GOLPH3L: variants seen among roughly 807,000 people sequenced by gnomAD.
GOLPH3L encodes Golgi phosphoprotein 3-like.
A neutral mutation model predicts 30.3 loss-of-function variants in GOLPH3L; 22 were observed. That is an observed-to-expected ratio of 0.73 (90% confidence interval 0.52 to 1.04). GOLPH3L has a LOEUF of 1.04. GOLPH3L is among the 50% of genes least tolerant of loss of function. The pLI, the probability that GOLPH3L is intolerant of heterozygous loss-of-function variation, is 0.00. For synonymous variants in GOLPH3L, 120 were observed against 128.2 expected (o/e 0.94, Z 0.43); for missense variants, 303 against 345.8 (o/e 0.88, Z 0.98).
intron 2 of GOLPH3L, 100 bp from the exon 3 acceptor site, chr1:150,663,863 C>T (rs996109945): frequency 2.5e-5 from 22 of 868,184 alleles, no homozygotes; most frequent in Admixed American, 2.5e-4. Context: ...ATTCGTTTCA[C>T]ATCATACTAC....
At chr1:150,664,263 G>C (rs746581770) in intron 2 of GOLPH3L, among the ~76,000 whole-genome samples, 23 of 152,008 alleles carry the variant, frequency 1.5e-4, no homozygotes, top group Non-Finnish European at 2.5e-4. Flanking sequence ...CTTGGCCTCC[G>C]AAAGTGTTGG....
chr1:150,671,246 A>G (rs1261733823), intron 2 of GOLPH3L, among the ~76,000 whole-genome samples: 1 of 149,672 alleles, frequency 6.7e-6, no homozygotes, highest in Non-Finnish European at 1.5e-5. Context: ...CATCTCAAGA[A>G]AAAAAAAAAA....
intron 2 of GOLPH3L, among the ~76,000 whole-genome samples, chr1:150,678,408 C>G (rs587608505): frequency 4.6e-5 from 7 of 150,654 alleles, no homozygotes; most frequent in African/African-American, 7.3e-5. Context: ...TAGATAACGT[C>G]TAAGTGACTC....
At chr1:150,681,356 A>G (rs1650942793) in intron 2 of GOLPH3L, among the ~76,000 whole-genome samples, 1 of 152,176 alleles carries the variant, frequency 6.6e-6, no homozygotes, top group Non-Finnish European at 1.5e-5. Context: ...TTAGAAAATA[A>G]AAGATGGTTA....
chr1:150,648,407 C>G lies in GOLPH3L; in HGVS notation c.772G>C (p.Val258Leu). 6.2e-7 allele frequency: 1 copy of G among 1,613,852 alleles called. No homozygotes were observed. Among genetic ancestry groups the G allele is most frequent in the Non-Finnish European group, 8.5e-7 (1 of 1,179,750 alleles). ...CCTTCCACTTCAGGGTCCAGTTCTA[C>G]TAAGTCCTTGGCTCGATTCATTGCC... The part of the protein sequence containing the change: ...DVAMNRAKDL[V>L]ELDPEVEGTK... The change falls in exon 5 of 5, where the codon GTA becomes CTA. Residue 258 changes from valine to leucine, a missense_variant. By Grantham distance (32) the Val-to-Leu change is conservative. Transcript: ENST00000271732.
chr1:150,666,284 G>A lies in GOLPH3L; in HGVS notation c.184-2521C>T, dbSNP rs184050931. ...GGACTTCAGTCTTTATTTTAACCCC[G>A]TCTTTTAACCTTTTATATTTTCCAT... On this transcript the variant is annotated intron_variant, in intron 2 of 4. Coordinates refer to ENST00000271732, the MANE Select transcript of GOLPH3L (RefSeq NM_018178.6). Among the ~76,000 whole-genome samples, 179 of 151,488 alleles carry A rather than the reference G, an allele frequency of 1.2e-3. 2 individuals carry two copies. The highest frequency in any genetic ancestry group is 4.3e-3 in the African/African-American group (176 of 41,312).
intron 4 of GOLPH3L, among the ~76,000 whole-genome samples, chr1:150,660,053 C>A (rs1048502110): frequency 7.9e-5 from 12 of 151,910 alleles, no homozygotes; most frequent in African/African-American, 2.7e-4. Flanking sequence ...TACAAAAAAA[C>A]CTCAACAACA....
intron 4 of GOLPH3L, among the ~76,000 whole-genome samples, chr1:150,652,454 A>G (rs1191564222): frequency 1.3e-5 from 2 of 151,516 alleles, no homozygotes; most frequent in Non-Finnish European, 2.9e-5. Flanking sequence ...AAAATTTCTA[A>G]AAAGGAGAAA....
At chr1:150,649,506 G>A (rs1650056976) in intron 4 of GOLPH3L, among the ~76,000 whole-genome samples, 1 of 152,182 alleles carries the variant, frequency 6.6e-6, no homozygotes, top group Admixed American at 6.5e-5. Context: ...TAGCTCTATG[G>A]CACTGGTATG....
chr1:150,648,429 T>C lies in GOLPH3L; in HGVS notation c.750A>G (p.Ala250=). ...SSLTDDKYDV[A]MNRAKDLVEL... ...CTACTAAGTCCTTGGCTCGATTCAT[T>C]GCCACATCATACTTGTCATCTGTCA... is the stretch of plus-strand genomic sequence containing the variant. The change falls in exon 5 of 5, where the codon GCA becomes GCG. Residue 250 remains alanine, a synonymous_variant. Transcript: ENST00000271732. The C allele has an allele frequency of 6.2e-7, 1 of 1,613,654 alleles. No individual in the cohort carries two copies. Among genetic ancestry groups the C allele is most frequent in the South Asian group, 1.1e-5 (1 of 91,064 alleles).
chr1:150,665,691 A>G (rs1052826931), intron 2 of GOLPH3L, among the ~76,000 whole-genome samples: 1 of 152,018 alleles, frequency 6.6e-6, no homozygotes, highest in African/African-American at 2.4e-5. Flanking sequence ...CATAAATTAG[A>G]TATCATCATC....
Position 150,667,591 on chromosome 1 carries a change from CTTTCTT to C in GOLPH3L, c.184-3834_184-3829del, listed in dbSNP as rs1162469785. 5.7e-5 allele frequency among the ~76,000 whole-genome samples: 8 copies of C among 141,084 alleles called. No homozygotes were observed. The East Asian group carries it at 6.3e-4, about 11-fold the overall frequency. The allele number at this position is 141,084 out of a possible 152,430, so 92.6% of individuals were successfully genotyped here. On this transcript the variant is annotated intron_variant, in intron 2 of 4. Coordinates refer to ENST00000271732, the MANE Select transcript of GOLPH3L (RefSeq NM_018178.6). Reference sequence around the variant, plus strand: ...ATTTACTAGTCTTTTCTTTTTTTTTCTTTCTTTTTTTTTTTTTTTTGAGACGGAGTC... The same window carrying C: ...ATTTACTAGTCTTTTCTTTTTTTTTCTTTTTTTTTTTTTTGAGACGGAGTC...
intron 4 of GOLPH3L, among the ~76,000 whole-genome samples, chr1:150,659,930 GA>G (rs1650331486): frequency 2.0e-5 from 3 of 152,012 alleles, no homozygotes; most frequent in African/African-American, 7.3e-5. Context: ...AGTTACTTGG[GA>G]GGCTGAGGTG....
At chr1:150,695,535 GAAC>G (rs1263266511) in intron 1 of GOLPH3L, among the ~76,000 whole-genome samples, 5 of 151,882 alleles carry the variant, frequency 3.3e-5, no homozygotes, top group Non-Finnish European at 7.4e-5. Flanking sequence ...AAGTAAGATG[GAAC>G]AACAAAAAAT....
intron 2 of GOLPH3L, among the ~76,000 whole-genome samples, chr1:150,687,116 T>A (rs1373300511): frequency 6.6e-6 from 1 of 152,076 alleles, no homozygotes; most frequent in Non-Finnish European, 1.5e-5. Context: ...AAATTAGACT[T>A]TTAATTTTTT....
intron 2 of GOLPH3L, among the ~76,000 whole-genome samples, chr1:150,680,086 G>C (rs1348463833): frequency 6.6e-6 from 1 of 152,132 alleles, no homozygotes; most frequent in African/African-American, 2.4e-5. Context: ...GAGAAGTAGG[G>C]AGTTTCAACA....
intron 2 of GOLPH3L, among the ~76,000 whole-genome samples, chr1:150,673,031 AAAC>A: frequency 6.6e-6 from 1 of 152,276 alleles, no homozygotes; most frequent in East Asian, 1.9e-4. Context: ...TAGCAAATAA[AAAC>A]AACATGCTAA....
intron 2 of GOLPH3L, among the ~76,000 whole-genome samples, chr1:150,693,489 G>T (rs1416047796): frequency 6.6e-6 from 1 of 151,960 alleles, no homozygotes; most frequent in African/African-American, 2.4e-5. Context: ...GTGGGCGAGG[G>T]GGGGCGGTTA....
Position 150,665,655 on chromosome 1 carries a change from A to G in GOLPH3L, c.184-1892T>C, listed in dbSNP as rs948616528. ...ATATTAATATTTTAACCACTCTTTT[A>G]GTTGTCCAGTATTTTTTTTTAGCCT... On this transcript the variant is annotated intron_variant, in intron 2 of 4. Coordinates refer to ENST00000271732, the MANE Select transcript of GOLPH3L (RefSeq NM_018178.6). Among the ~76,000 whole-genome samples, 4 of 152,022 alleles carry G rather than the reference A, an allele frequency of 2.6e-5. No homozygotes were observed. In the South Asian group the frequency reaches 8.3e-4, roughly 31 times the overall value.
Sources: gnomAD v4.1 joint callset for allele counts (sites outside exome capture counted in the v4.1 genomes callset) on GRCh38, gnomAD v4.1.1 for gene constraint, MANE v1.5 for transcripts, NCBI Gene and HGNC (gene_info 2026-07-23, HGNC 2026-07-21) for gene names.